Variants in ETS2 observed in about 807,000 individuals in gnomAD.
The protein encoded by ETS2 is ETS proto-oncogene 2, transcription factor, also known as protein C-ets-2.
In ETS2, 19 loss-of-function variants were observed where a neutral mutation model predicts 54.9. The ratio of observed to expected loss-of-function variants is 0.35; its 90% CI spans 0.24 to 0.51. ETS2 has a LOEUF of 0.51. Ranked by LOEUF, ETS2 falls within the 20% of genes least tolerant of loss-of-function variation. ETS2 has a pLI of 0.97. For synonymous variants in ETS2, 219 were observed against 229.3 expected, an observed-to-expected ratio of 0.95 and a Z score of 0.41; for missense variants, 417 against 593.0, an observed-to-expected ratio of 0.70 and a Z score of 3.08.
intron 2 of ETS2, among the ~76,000 whole-genome samples, chr21:38,810,831 G>T (rs899362163): frequency 5.9e-5 from 9 of 152,182 alleles, no homozygotes; most frequent in African/African-American, 2.2e-4. Flanking sequence ...GCATAATGAT[G>T]ATGTACGTCT....
In ETS2 at chr21:38,806,124, A is replaced by G. The variant is rs2123401866; in HGVS notation, c.-1+4A>G. Reference sequence around the variant, plus strand: ...CGGCCCTGCCCGCAGCGGCAGGGTAAGAGCTGGGCCCGCAGAGAGCGCCCG... The same window carrying G: ...CGGCCCTGCCCGCAGCGGCAGGGTAGGAGCTGGGCCCGCAGAGAGCGCCCG... On this transcript the variant is annotated splice_donor_region_variant and intron_variant, in intron 1 of 9. Coordinates refer to ENST00000360938, the MANE Select transcript of ETS2 (RefSeq NM_005239.6). This position sits in a 1 kb window ranked among gnomAD's most constrained non-coding sequence, Gnocchi z 4.3. 1 of 1,035,800 alleles carries G rather than the reference A, an allele frequency of 9.7e-7. No homozygotes were observed. The highest frequency in any genetic ancestry group is 3.0e-5 in the South Asian group (1 of 33,030). The allele number at this position is 1,035,800 out of a possible 1,614,324, so 64.2% of individuals were successfully genotyped here.
intron 7 of ETS2, among the ~76,000 whole-genome samples, chr21:38,818,932 T>C (rs2060946112): frequency 6.6e-6 from 1 of 152,216 alleles, no homozygotes. Flanking sequence ...TTTCTTCTTA[T>C]GGAGATGTAA....
At position 38,806,383 on chromosome 21, in the gene ETS2, C is replaced by A. The variant is rs1188200092; in HGVS notation, c.-1+263C>A. The A allele has an allele frequency of 1.0e-6, 1 of 985,334 alleles. No homozygotes were observed. The allele number at this position is 985,334 out of a possible 1,614,324, so 61.0% of individuals were successfully genotyped here. On this transcript the variant is annotated intron_variant, in intron 1 of 9. Coordinates refer to ENST00000360938, the MANE Select transcript of ETS2 (RefSeq NM_005239.6). This position sits in a 1 kb window ranked among gnomAD's most constrained non-coding sequence, Gnocchi z 4.3. ...TCCTGCGTGCTAGGGCCGCTGTCTT[C>A]GGGGTCGCCTAGCGGCGGGCGCGGC... is the stretch of plus-strand genomic sequence containing the variant.
chr21:38,805,474 G>A (rs1023036362), upstream of ETS2: 3 of 1,288,246 alleles, frequency 2.3e-6, no homozygotes, highest in Admixed American at 2.3e-5. The surrounding 1 kb of genome is among the most constrained non-coding windows in gnomAD (Gnocchi z 5.2). Context: ...GCCCCAGAGA[G>A]GACGCCGAGC....
At position 38,806,590 on chromosome 21, in the gene ETS2, CG is replaced by C; in HGVS notation, c.-1+473del. 1.0e-6 allele frequency: 1 copy of C among 985,316 alleles called. No homozygotes were observed. The highest frequency in any genetic ancestry group is 1.7e-5 in the African/African-American group (1 of 57,326). 61.0% of individuals were successfully genotyped at this position (985,316 alleles called of 1,614,324 possible). A position where few individuals can be genotyped will look rare whatever the true frequency, so the allele number is the denominator to read the frequency against. On this transcript the variant is annotated intron_variant, in intron 1 of 9. Transcript: ENST00000360938. This position sits in a 1 kb window ranked among gnomAD's most constrained non-coding sequence, Gnocchi z 4.3. ...TGAGGGTGACTTCCTGGAGCGGCGCCGGGCCCGGAGGATCTGGGGCGCCCAA... is the reference window on the plus strand; with the variant it reads ...TGAGGGTGACTTCCTGGAGCGGCGCCGGCCCGGAGGATCTGGGGCGCCCAA...
rs1226269100 is a variant in ETS2 at position 38,824,661 on chromosome 21, T to C, written c.*1772T>C. ...CACAGGATGTTTTTCTCAAGAGGGA[T>C]GTATTTATCACTTGGACATCTGTTT... On this transcript the variant is annotated 3_prime_UTR_variant, in exon 10 of 10. Transcript: ENST00000360938. 5 of 152,712 alleles carry C rather than the reference T, an allele frequency of 3.3e-5. No homozygotes were observed. The highest frequency in any genetic ancestry group is 1.9e-4 in the East Asian group (1 of 5,178). 9.5% of individuals were successfully genotyped at this position (152,712 alleles called of 1,614,324 possible).
chr21:38,822,415 C>CA (rs1569027128), intron 9 of ETS2, among the ~76,000 whole-genome samples: 4 of 152,202 alleles, frequency 2.6e-5, no homozygotes, highest in African/African-American at 9.6e-5. Flanking sequence ...CCTTGGCTCC[C>CA]AGGAGGTTTC....
At chr21:38,810,815 C>A (rs1015240423) in intron 2 of ETS2, among the ~76,000 whole-genome samples, 4 of 152,146 alleles carry the variant, frequency 2.6e-5, no homozygotes, top group Non-Finnish European at 5.9e-5. Context: ...CAAAGTTTAG[C>A]GTCTTGCATA....
At chr21:38,815,175 AGTGTGTGTGT>A (rs3065531) in intron 5 of ETS2, among the ~76,000 whole-genome samples, 194 bp downstream of exon 5, 2 of 149,808 alleles carry the variant, frequency 1.3e-5, no homozygotes, top group Non-Finnish European at 3.0e-5. Flanking sequence ...ACTTTATGTG[AGTGTGTGTGT>A]GTGTGTGTGT....
Position 38,814,985 on chromosome 21 carries a change from C to T in ETS2, c.505+4C>T. On this transcript the variant is annotated splice_donor_region_variant and intron_variant, in intron 5 of 9. Transcript: ENST00000360938. The surrounding 1 kb of genome is among the most constrained non-coding windows in gnomAD (Gnocchi z 4.2). ...CATCTGGAGCAAATGATCAAAGGTA[C>T]CAGCTGAACGTCTTACTTCTCCTTG... The T allele has an allele frequency of 1.9e-6, 3 of 1,613,588 alleles. No homozygotes were observed. Among genetic ancestry groups the T allele is most frequent in the Non-Finnish European group, 2.5e-6 (3 of 1,179,528 alleles).
At chr21:38,811,185 TA>T (rs11288156) in intron 2 of ETS2, among the ~76,000 whole-genome samples, 70,166 of 147,384 alleles carry the variant, frequency 0.48, 16,137 homozygotes, top group East Asian at 0.51. Flanking sequence ...TTCCTGGCTT[TA>T]AAAAAAAAAA....
rs781514979 is a variant in ETS2 at position 38,822,883 on chromosome 21, G to A, written c.1404G>A (p.Glu468=). Residue 468 remains glutamate, a synonymous_variant, in exon 10 of 10, where the codon GAG becomes GAA. Transcript: ENST00000360938. ...HAILGVQPDT[E]D is the part of the protein sequence containing the mutation. ...TCCTGGGCGTCCAGCCCGACACGGAGGACTGAGGTCGCCGGGACCACCCTG... is the reference window on the plus strand; with the variant it reads ...TCCTGGGCGTCCAGCCCGACACGGAAGACTGAGGTCGCCGGGACCACCCTG... 6.3e-7 allele frequency: 1 copy of A among 1,575,860 alleles called. No homozygotes were observed. Among genetic ancestry groups the A allele is most frequent in the Non-Finnish European group, 8.6e-7 (1 of 1,157,926 alleles).
Position 38,806,245 on chromosome 21 carries a change from A to T in ETS2, c.-1+125A>T. ...GATCTCGGGGCGCTGCCGGGGGTGC[A>T]GGTGGGGGTGGCGGCTGCTGCGAGG... On this transcript the variant is annotated intron_variant, in intron 1 of 9. Transcript: ENST00000360938. The surrounding 1 kb of genome is among the most constrained non-coding windows in gnomAD (Gnocchi z 4.3). The T allele has an allele frequency of 2.1e-6, 2 of 974,240 alleles. No individual in the cohort carries two copies. The highest frequency in any genetic ancestry group is 2.4e-6 in the Non-Finnish European group (2 of 818,616). 60.3% of individuals were successfully genotyped at this position (974,240 alleles called of 1,614,324 possible). A position where few individuals can be genotyped will look rare whatever the true frequency, so the allele number is the denominator to read the frequency against.
intron 1 of ETS2, among the ~76,000 whole-genome samples, chr21:38,808,607 T>TGTGTGC (rs2060902522): frequency 6.6e-6 from 1 of 151,758 alleles, no homozygotes; most frequent in South Asian, 2.1e-4. Context: ...TGTGTGTGTG[T>TGTGTGC]GTGTGTGTGT....
chr21:38,805,531 G>A (rs1356216565), upstream of ETS2: 1 of 1,287,084 alleles, frequency 7.8e-7, no homozygotes. This position sits in a 1 kb window ranked among gnomAD's most constrained non-coding sequence, Gnocchi z 5.2. Context: ...ACACTCGCGC[G>A]CACGTGGGGC....
chr21:38,812,519 G>A (rs187012366), intron 2 of ETS2, among the ~76,000 whole-genome samples: 1 of 152,214 alleles, frequency 6.6e-6, no homozygotes, highest in African/African-American at 2.4e-5. Flanking sequence ...CGTGGCTCAC[G>A]CCTGTAATCC....
At position 38,806,136 on chromosome 21, in the gene ETS2, G is replaced by T. The variant is rs1178149082; in HGVS notation, c.-1+16G>T. 9.9e-6 allele frequency: 10 copies of T among 1,011,972 alleles called. No homozygotes were observed. The highest frequency in any genetic ancestry group is 6.1e-5 in the Admixed American group (1 of 16,344). 62.7% of individuals were successfully genotyped at this position (1,011,972 alleles called of 1,614,324 possible). The stretch of plus-strand genomic sequence containing the variant: ...CAGCGGCAGGGTAAGAGCTGGGCCC[G>T]CAGAGAGCGCCCGGCGCGCGGCTCC... On this transcript the variant is annotated intron_variant, in intron 1 of 9. Coordinates refer to ENST00000360938, the MANE Select transcript of ETS2 (RefSeq NM_005239.6). This position sits in a 1 kb window ranked among gnomAD's most constrained non-coding sequence, Gnocchi z 4.3.
chr21:38,810,091 C>T lies in ETS2; in HGVS notation c.57C>T (p.Tyr19=). ...MDQVAPVANS[Y]RGTLKRQPAF... ...AGGTAGCCCCTGTGGCTAACAGTTACAGAGGGACACTCAAGGTGAGTGGGC... is the reference window on the plus strand; with the variant it reads ...AGGTAGCCCCTGTGGCTAACAGTTATAGAGGGACACTCAAGGTGAGTGGGC... The change falls in exon 2 of 10, where the codon TAC becomes TAT. Residue 19 remains tyrosine, a synonymous_variant. Coordinates refer to ENST00000360938, the MANE Select transcript of ETS2 (RefSeq NM_005239.6). 2 of 1,545,164 alleles carry T rather than the reference C, an allele frequency of 1.3e-6. No individual in the cohort carries two copies. Among genetic ancestry groups the T allele is most frequent in the East Asian group, 2.5e-5 (1 of 40,426 alleles).
Position 38,806,532 on chromosome 21 carries a change from G to C in ETS2, c.-1+412G>C. ...CGCGAACGGGAGTGGGGGCACAGGA[G>C]AGCGTGTCCGAGGTGGCCTGGCGCC... On this transcript the variant is annotated intron_variant, in intron 1 of 9. Transcript: ENST00000360938. This position sits in a 1 kb window ranked among gnomAD's most constrained non-coding sequence, Gnocchi z 4.3. 1.0e-6 allele frequency: 1 copy of C among 985,544 alleles called. No homozygotes were observed. The highest frequency in any genetic ancestry group is 6.1e-5 in the Admixed American group (1 of 16,296). 61.0% of individuals were successfully genotyped at this position (985,544 alleles called of 1,614,324 possible). A position where few individuals can be genotyped will look rare whatever the true frequency, so the allele number is the denominator to read the frequency against.
Sources: allele counts gnomAD v4.1 joint callset (sites outside exome capture counted in the v4.1 genomes callset), GRCh38; gene constraint gnomAD v4.1.1; non-coding constraint Gnocchi (gnomAD v3.1); transcripts MANE v1.5; gene names NCBI Gene and HGNC (gene_info 2026-07-23, HGNC 2026-07-21).